Variants in BMPER observed in about 807,000 individuals in gnomAD.
BMPER encodes BMP-binding endothelial regulator protein.
Under a neutral mutation model 87.3 loss-of-function variants are expected in BMPER, and 45 were observed. The observed-to-expected ratio is 0.52, with a 90% confidence interval of 0.41 to 0.66. The LOEUF is 0.66. Ranked by LOEUF, BMPER falls within the 30% of genes least tolerant of loss-of-function variation. BMPER has a pLI of 0.00. For missense variants in BMPER, 784 were observed against 867.5 expected (o/e 0.90, Z 1.21); for synonymous variants, 326 against 316.2 (o/e 1.03, Z -0.33).
At position 34,044,190 on chromosome 7, in the gene BMPER, G is replaced by C. The variant is rs146122385; in HGVS notation, c.577-2116G>C. On this transcript the variant is annotated intron_variant, in intron 6 of 14. Coordinates refer to ENST00000649409, the MANE Select transcript of BMPER (RefSeq NM_001365308.1). ...GAAGCACAAACTGCAGTTGTATTAT[G>C]TATGCAAAATTTGCTCTTTGTCCTT... 4.3e-3 allele frequency among the ~76,000 whole-genome samples: 659 copies of C among 152,298 alleles called. 7 individuals carry two copies. The highest frequency in any genetic ancestry group is 0.014 in the African/African-American group (599 of 41,562).
In BMPER at chr7:34,001,646, G is replaced by A. The variant is rs1011661766; in HGVS notation, c.576+26862G>A. On this transcript the variant is annotated intron_variant, in intron 6 of 14. Coordinates refer to ENST00000649409, the MANE Select transcript of BMPER (RefSeq NM_001365308.1). The stretch of plus-strand genomic sequence containing the variant: ...AAAAGAACCTACTTTTGGTTTCATC[G>A]AATTCTGTTTTTCTATTCTCGATTT... Among the ~76,000 whole-genome samples, 20 of 149,030 alleles carry A rather than the reference G, an allele frequency of 1.3e-4. No individual in the cohort carries two copies. In the East Asian group the frequency reaches 3.7e-3, roughly 28 times the overall value.
rs1051204102 is a variant in BMPER, at chr7:33,928,217, C to T, written c.220-9072C>T. ...GGCAGGACGCCACCATGAACCCTCT[C>T]GGTTCACATGCCTGGCAGAGTGAGT... On this transcript the variant is annotated intron_variant, in intron 2 of 14. Transcript: ENST00000649409. Among the ~76,000 whole-genome samples the T allele has an allele frequency of 4.0e-4, 61 of 152,288 alleles. 1 individual carries two copies. Among genetic ancestry groups the T allele is most frequent in the East Asian group, 1.9e-4 (1 of 5,178 alleles).
chr7:34,052,275 T>G (rs1358474938), intron 8 of BMPER, among the ~76,000 whole-genome samples: 1 of 152,206 alleles, frequency 6.6e-6, no homozygotes, highest in African/African-American at 2.4e-5. Flanking sequence ...CTGGCTCTAA[T>G]TATCCAAGAT....
intron 8 of BMPER, among the ~76,000 whole-genome samples, chr7:34,054,651 T>TC (rs1420952022): frequency 9.8e-5 from 15 of 152,302 alleles, no homozygotes; most frequent in Middle Eastern, 3.4e-3. Flanking sequence ...GTTGGTTCAG[T>TC]CCCTTGGTGA....
intron 13 of BMPER, among the ~76,000 whole-genome samples, chr7:34,099,573 G>A (rs1040786171): frequency 5.3e-5 from 8 of 152,162 alleles, no homozygotes; most frequent in African/African-American, 1.9e-4. Flanking sequence ...CTTTTAAGGA[G>A]AAATTTATGG....
At chr7:33,991,910 C>A (rs1248757709) in intron 6 of BMPER, among the ~76,000 whole-genome samples, 12 of 140,472 alleles carry the variant, frequency 8.5e-5, no homozygotes, top group African/African-American at 3.2e-4. Flanking sequence ...GTTCAGTTTC[C>A]ATGTAGTTGA....
rs10226493 is a variant in BMPER at position 34,152,900 on chromosome 7, A to T, written c.1877-192A>T. Among the ~76,000 whole-genome samples, 5,383 of 152,192 alleles carry T rather than the reference A, an allele frequency of 0.035. 259 individuals carry two copies. Among genetic ancestry groups the T allele is most frequent in the African/African-American group, 0.11 (4,702 of 41,494 alleles). ...TTCAGATCTACCTGCATTTGTTTTT[A>T]TAGATGTAGCTGATTCCCAGAGTGT... On this transcript the variant is annotated intron_variant, in intron 14 of 14. Transcript: ENST00000649409.
chr7:33,937,423 G>A, intron 3 of BMPER, 35 bp downstream of exon 3: 1 of 1,589,654 alleles, frequency 6.3e-7, no homozygotes, highest in Non-Finnish European at 8.6e-7. Flanking sequence ...TCTTCTGGCT[G>A]CTGCTTCAGG....
intron 3 of BMPER, among the ~76,000 whole-genome samples, chr7:33,963,244 T>C (rs1785315144): frequency 6.6e-6 from 1 of 152,276 alleles, no homozygotes; most frequent in East Asian, 1.9e-4. Flanking sequence ...TTCCTCCTGC[T>C]CCCATAATAT....
intron 2 of BMPER, among the ~76,000 whole-genome samples, chr7:33,911,207 C>A (rs1585627031): frequency 6.6e-6 from 1 of 152,290 alleles, no homozygotes; most frequent in East Asian, 1.9e-4. Context: ...TTCAACAGAA[C>A]AATTTTTGGG....
At chr7:33,916,669 G>T (rs1354032952) in intron 2 of BMPER, among the ~76,000 whole-genome samples, 1 of 152,216 alleles carries the variant, frequency 6.6e-6, no homozygotes, top group African/African-American at 2.4e-5. Context: ...CTTGGTAATA[G>T]CATGTTCTGC....
At position 34,086,112 on chromosome 7, in the gene BMPER, G is replaced by T. The variant is rs1307064101; in HGVS notation, c.1745+20G>T. ...CTACCGGTAAGTACAGTGTTCTGGG[G>T]AATGGTTTTGGGTTGCAGACCAATA... On this transcript the variant is annotated intron_variant, in intron 13 of 14. Coordinates refer to ENST00000649409, the MANE Select transcript of BMPER (RefSeq NM_001365308.1). The T allele has an allele frequency of 6.2e-7, 1 of 1,611,576 alleles. No homozygotes were observed. Among genetic ancestry groups the T allele is most frequent in the Non-Finnish European group, 8.5e-7 (1 of 1,179,076 alleles).
chr7:34,097,249 C>T (rs1014493743), intron 13 of BMPER, among the ~76,000 whole-genome samples: 32 of 152,212 alleles, frequency 2.1e-4, no homozygotes, highest in Admixed American at 2.0e-4. Flanking sequence ...TTCATGTTCA[C>T]AGCCATGGAG....
chr7:34,000,754 G>A (rs1345828401), intron 6 of BMPER, among the ~76,000 whole-genome samples: 1 of 152,012 alleles, frequency 6.6e-6, no homozygotes, highest in Non-Finnish European at 1.5e-5. Context: ...TGTCGCAAAG[G>A]TATTTCTTGT....
chr7:34,040,041 G>A (rs961746514), intron 6 of BMPER, among the ~76,000 whole-genome samples: 1 of 151,940 alleles, frequency 6.6e-6, no homozygotes, highest in Non-Finnish European at 1.5e-5. Context: ...CTCTAGGGTC[G>A]GGGAACAATG....
In BMPER at chr7:34,130,514, C is replaced by T. The variant is rs576789582; in HGVS notation, c.1746-12716C>T. ...GTAAATCTCATTGTCACTTAGTAGTCGCTTTATCTGGACTTGACTATATAA... is the reference window on the plus strand; with the variant it reads ...GTAAATCTCATTGTCACTTAGTAGTTGCTTTATCTGGACTTGACTATATAA... On this transcript the variant is annotated intron_variant, in intron 13 of 14. Coordinates refer to ENST00000649409, the MANE Select transcript of BMPER (RefSeq NM_001365308.1). Among the ~76,000 whole-genome samples the T allele has an allele frequency of 5.9e-5, 9 of 152,308 alleles. No homozygotes were observed. In the South Asian group the frequency reaches 1.2e-3, roughly 21 times the overall value.
intron 6 of BMPER, among the ~76,000 whole-genome samples, chr7:33,987,668 C>G (rs1786046712): frequency 6.6e-6 from 1 of 152,038 alleles, no homozygotes; most frequent in South Asian, 2.1e-4. Context: ...ATCACAGAAT[C>G]CTACTACTTT....
chr7:34,120,154 T>A (rs1374644810), intron 13 of BMPER, among the ~76,000 whole-genome samples: 1 of 152,192 alleles, frequency 6.6e-6, no homozygotes, highest in African/African-American at 2.4e-5. Flanking sequence ...GCTGAGAAGA[T>A]GTAAAAGTAT....
At chr7:33,983,464 T>C (rs1348129039) in intron 6 of BMPER, among the ~76,000 whole-genome samples, 1 of 152,202 alleles carries the variant, frequency 6.6e-6, no homozygotes, top group Non-Finnish European at 1.5e-5. Context: ...ACAGAGGAAT[T>C]ATTGATAATG....
Sources: allele counts gnomAD v4.1 joint callset (sites outside exome capture counted in the v4.1 genomes callset), GRCh38; gene constraint gnomAD v4.1.1; transcripts MANE v1.5; gene names NCBI Gene and HGNC (gene_info 2026-07-23, HGNC 2026-07-21).